LDB2: variants seen among roughly 807,000 people sequenced by gnomAD.
LDB2 encodes LIM domain-binding protein 2.
LDB2 carries 12 observed loss-of-function variants against 44.3 expected under a neutral mutation model. The ratio of observed to expected loss-of-function variants is 0.27; its 90% CI spans 0.17 to 0.44. LDB2 has a LOEUF of 0.44. LDB2 is among the 20% of genes least tolerant of loss of function. LDB2 has a pLI of 1.00. For missense variants in LDB2, 344 were observed against 473.5 expected (o/e 0.73, Z 2.54); for synonymous variants, 164 against 174.8 (o/e 0.94, Z 0.49).
chr4:16,736,362 A>C (rs373458509), intron 2 of LDB2, among the ~76,000 whole-genome samples: 2 of 152,216 alleles, frequency 1.3e-5, no homozygotes, highest in Admixed American at 1.3e-4. Context: ...TCTGTCCCCA[A>C]AAAGCAAGAA....
chr4:16,814,427 A>G (rs1350480488), intron 1 of LDB2, among the ~76,000 whole-genome samples: 2 of 152,144 alleles, frequency 1.3e-5, no homozygotes, highest in African/African-American at 2.4e-5. Flanking sequence ...CCATCTAGAG[A>G]CTGCAATTGA....
chr4:16,840,311 G>A (rs1227494263), intron 1 of LDB2, among the ~76,000 whole-genome samples: 1 of 152,164 alleles, frequency 6.6e-6, no homozygotes, highest in Non-Finnish European at 1.5e-5. Flanking sequence ...TAATATAAAT[G>A]TATGCATGTG....
intron 5 of LDB2, among the ~76,000 whole-genome samples, chr4:16,573,870 G>A (rs1042858455): frequency 2.0e-5 from 3 of 152,104 alleles, no homozygotes; most frequent in Non-Finnish European, 4.4e-5. Context: ...GTGGAAAAGG[G>A]GGTTGAATTG....
At chr4:16,824,479 C>T (rs1332132949) in intron 1 of LDB2, among the ~76,000 whole-genome samples, 1 of 152,216 alleles carries the variant, frequency 6.6e-6, no homozygotes, top group African/African-American at 2.4e-5. Context: ...TTCAGTAGTA[C>T]TATGTGCTGA....
chr4:16,865,759 G>C (rs1475627952), intron 1 of LDB2, among the ~76,000 whole-genome samples: 2 of 152,190 alleles, frequency 1.3e-5, no homozygotes, highest in Admixed American at 1.3e-4. Context: ...ACAAAGAGAA[G>C]GGGCATTCAT....
At chr4:16,789,008 C>T (rs757287421) in intron 1 of LDB2, among the ~76,000 whole-genome samples, 5 of 152,120 alleles carry the variant, frequency 3.3e-5, no homozygotes, top group Non-Finnish European at 5.9e-5. Context: ...GCTCTAGCAG[C>T]AGCAGTAGCA....
intron 2 of LDB2, among the ~76,000 whole-genome samples, chr4:16,736,077 C>T (rs181116137): frequency 7.5e-4 from 115 of 152,320 alleles, no homozygotes; most frequent in African/African-American, 2.5e-3. Context: ...TGGCCAGCCC[C>T]GCCTGGTGCT....
chr4:16,795,012 T>C (rs1033159675), intron 1 of LDB2, among the ~76,000 whole-genome samples: 3 of 152,032 alleles, frequency 2.0e-5, no homozygotes, highest in African/African-American at 7.2e-5. Context: ...AGACAATCAA[T>C]AGAATCAGTG....
At chr4:16,535,011 C>T (rs887047959) in intron 5 of LDB2, among the ~76,000 whole-genome samples, 2 of 152,112 alleles carry the variant, frequency 1.3e-5, no homozygotes, top group African/African-American at 4.8e-5. Context: ...CAACTCTCCC[C>T]AAAGTGATAC....
In LDB2 at chr4:16,502,768, C is replaced by T. The variant is rs779101509; in HGVS notation, c.997G>A (p.Gly333Ser). The T allele has an allele frequency of 1.9e-5, 31 of 1,613,876 alleles. No individual in the cohort carries two copies. Among genetic ancestry groups the T allele is most frequent in the Admixed American group, 1.5e-4 (9 of 59,994 alleles). ...TTGAAGTCCTCCTCGTCGTCCATGC[C>T]GTTGGCCGCATCATATTGCGTGTTT... ...LENTQYDAAN[G>S]MDDEEDFNNS... Residue 333 changes from glycine to serine, a missense_variant, in exon 8 of 8, where the codon GGC becomes AGC. Around this residue, in one of 3 missense-constraint regions of LDB2, gnomAD observed 86 missense variants for 171.2 expected, o/e 0.50. Coordinates refer to ENST00000304523, the MANE Select transcript of LDB2 (RefSeq NM_001290.5).
At chr4:16,796,108 A>G (rs1246807833) in intron 1 of LDB2, among the ~76,000 whole-genome samples, 8 of 152,028 alleles carry the variant, frequency 5.3e-5, no homozygotes, top group Admixed American at 5.2e-4. Flanking sequence ...TCTGGGCAAC[A>G]TGGTGAAATC....
intron 2 of LDB2, among the ~76,000 whole-genome samples, chr4:16,613,650 A>G (rs969297337): frequency 1.3e-5 from 2 of 152,192 alleles, no homozygotes; most frequent in Admixed American, 1.3e-4. Flanking sequence ...CCAAATCATG[A>G]ATGAACTCCC....
intron 2 of LDB2, among the ~76,000 whole-genome samples, chr4:16,605,182 G>C (rs769659322): frequency 4.6e-5 from 7 of 152,130 alleles, no homozygotes; most frequent in African/African-American, 1.7e-4. Flanking sequence ...ATTAGCTCTT[G>C]ATTAGTGATC....
chr4:16,641,397 C>T (rs1735122996), intron 2 of LDB2, among the ~76,000 whole-genome samples: 1 of 152,118 alleles, frequency 6.6e-6, no homozygotes, highest in Non-Finnish European at 1.5e-5. Flanking sequence ...GTCTGTTTTG[C>T]TTTGCTATAA....
At chr4:16,709,560 G>A (rs1211754296) in intron 2 of LDB2, among the ~76,000 whole-genome samples, 1 of 152,134 alleles carries the variant, frequency 6.6e-6, no homozygotes, top group Non-Finnish European at 1.5e-5. Flanking sequence ...TAACTCACAA[G>A]ATATTTGTAG....
At chr4:16,669,316 C>G (rs895284020) in intron 2 of LDB2, among the ~76,000 whole-genome samples, 2 of 152,168 alleles carry the variant, frequency 1.3e-5, no homozygotes, top group African/African-American at 2.4e-5. Flanking sequence ...CACTAGCCTC[C>G]TGGCTGCTCA....
At chr4:16,697,935 T>C (rs1300775524) in intron 2 of LDB2, among the ~76,000 whole-genome samples, 1 of 152,242 alleles carries the variant, frequency 6.6e-6, no homozygotes, top group African/African-American at 2.4e-5. Flanking sequence ...CTAGCAACTA[T>C]AAAAATGCTT....
intron 1 of LDB2, among the ~76,000 whole-genome samples, chr4:16,852,105 G>A (rs901285570): frequency 4.6e-5 from 7 of 152,158 alleles, no homozygotes; most frequent in South Asian, 2.1e-4. Context: ...TTCCTCAACT[G>A]TAAAATGGAG....
intron 1 of LDB2, among the ~76,000 whole-genome samples, chr4:16,801,412 A>T (rs1777799844): frequency 6.6e-6 from 1 of 152,210 alleles, no homozygotes; most frequent in Non-Finnish European, 1.5e-5. Context: ...AAACTTGCTG[A>T]ATGAATAAAT....
Sources: gnomAD v4.1 joint callset for allele counts (sites outside exome capture counted in the v4.1 genomes callset) on GRCh38, gnomAD v4.1.1 for gene constraint, gnomAD v4.1.1 regional missense constraint, MANE v1.5 for transcripts, NCBI Gene and HGNC (gene_info 2026-07-23, HGNC 2026-07-21) for gene names.